Variants in NAV3 observed in about 807,000 individuals in gnomAD.
NAV3 encodes the protein pore membrane and/or filament interacting like protein 1.
A neutral mutation model predicts 244.7 loss-of-function variants in NAV3; 87 were observed. That is an observed-to-expected ratio of 0.36 (90% CI 0.30 to 0.42). The LOEUF (loss-of-function observed/expected upper bound fraction) is 0.42. Ranked by LOEUF, NAV3 falls within the 20% of genes least tolerant of loss-of-function variation. The pLI is 1.00. For missense variants in NAV3, 2,663 were observed against 2,893.3 expected (o/e 0.92, Z 1.83); for synonymous variants, 1,126 against 1,042.2 (o/e 1.08, Z -1.55).
At chr12:77,808,107 C>T (rs897566542) in intron 2 of NAV3, among the ~76,000 whole-genome samples, 3 of 152,150 alleles carry the variant, frequency 2.0e-5, no homozygotes, top group Non-Finnish European at 4.4e-5. Context: ...AGCTTCCTTG[C>T]ATTGGGCTAG....
At chr12:77,587,337 C>A (rs763827676) in intron 2 of NAV3, among the ~76,000 whole-genome samples, 6 of 152,036 alleles carry the variant, frequency 3.9e-5, no homozygotes, top group Non-Finnish European at 7.4e-5. Context: ...CCATAAAATA[C>A]TTACAAAAAT....
At chr12:78,113,430 C>T (rs1955205448) in intron 12 of NAV3, among the ~76,000 whole-genome samples, 1 of 152,242 alleles carries the variant, frequency 6.6e-6, no homozygotes, top group African/African-American at 2.4e-5. Context: ...TTCCTTACAT[C>T]CTCTGGAATC....
chr12:77,640,412 A>G (rs1482999123), intron 2 of NAV3, among the ~76,000 whole-genome samples: 1 of 152,114 alleles, frequency 6.6e-6, no homozygotes, highest in Admixed American at 6.6e-5. Context: ...CTTTTCACCT[A>G]CTTCTCTCCA....
chr12:77,699,026 T>A (rs1047385334), intron 2 of NAV3, among the ~76,000 whole-genome samples: 8 of 152,178 alleles, frequency 5.3e-5, no homozygotes, highest in African/African-American at 1.9e-4. Flanking sequence ...AGCAAACATA[T>A]ATACTCTAGA....
At chr12:77,596,599 G>T (rs1273613002) in intron 2 of NAV3, among the ~76,000 whole-genome samples, 1 of 152,170 alleles carries the variant, frequency 6.6e-6, no homozygotes, top group East Asian at 1.9e-4. Flanking sequence ...ATAAAGGTTA[G>T]CACAAATCCA....
chr12:77,736,954 G>A (rs1877361976), intron 2 of NAV3, among the ~76,000 whole-genome samples: 1 of 152,094 alleles, frequency 6.6e-6, no homozygotes, highest in Admixed American at 6.5e-5. Flanking sequence ...CCGTAATTGA[G>A]ATGAGAAATG....
chr12:78,027,562 C>T (rs1373766163), intron 9 of NAV3, among the ~76,000 whole-genome samples: 1 of 152,310 alleles, frequency 6.6e-6, no homozygotes, highest in East Asian at 1.9e-4. Context: ...TGTGTGGTGA[C>T]ATAATGCCAC....
At chr12:78,008,211 T>C (rs1326327456) in intron 8 of NAV3, among the ~76,000 whole-genome samples, 1 of 152,202 alleles carries the variant, frequency 6.6e-6, no homozygotes. Flanking sequence ...TGGGTTGTAT[T>C]ACTGATTTGT....
intron 2 of NAV3, among the ~76,000 whole-genome samples, chr12:77,592,064 C>T (rs914778362): frequency 6.6e-6 from 1 of 151,852 alleles, no homozygotes; most frequent in African/African-American, 2.4e-5. Flanking sequence ...GCTTCGTTCG[C>T]ACAGTGTCTG....
rs549601132 is a variant in NAV3 at position 77,694,473 on chromosome 12, A to AT, written c.72+122209dup. 8.3e-3 allele frequency among the ~76,000 whole-genome samples: 1,231 copies of AT among 148,496 alleles called. 5 individuals carry two copies. The highest frequency in any genetic ancestry group is 0.017 in the Middle Eastern group (5 of 292). ...GGGCTACAGAGCAAACTCCATCTCAATTAAAAAAAAAAAAAAAGGCAGTCT... is the reference window on the plus strand; with the variant it reads ...GGGCTACAGAGCAAACTCCATCTCAATTTAAAAAAAAAAAAAAAGGCAGTCT... On this transcript the variant is annotated intron_variant, in intron 2 of 8. Coordinates refer to the NAV3 transcript ENST00000550042.
intron 12 of NAV3, among the ~76,000 whole-genome samples, chr12:78,097,093 G>A (rs568465987): frequency 2.6e-5 from 4 of 152,274 alleles, no homozygotes; most frequent in East Asian, 1.9e-4. Context: ...GGGAAGTAAG[G>A]TAGTAGCCTG....
intron 2 of NAV3, among the ~76,000 whole-genome samples, chr12:77,581,966 T>C (rs1463204875): frequency 6.6e-6 from 1 of 152,226 alleles, no homozygotes; most frequent in Non-Finnish European, 1.5e-5. Flanking sequence ...AATATGTGAA[T>C]AGCAACATAC....
At chr12:78,183,400 C>A (rs139864113) in intron 30 of NAV3, among the ~76,000 whole-genome samples, 1 of 151,946 alleles carries the variant, frequency 6.6e-6, no homozygotes, top group African/African-American at 2.4e-5. Flanking sequence ...AAAGTATTAT[C>A]TTTTATGTTC....
In NAV3 at chr12:78,168,880, T is replaced by A. The variant is rs762877511; in HGVS notation, c.4981+14T>A. ...ATCCTCCCAAAGGTATATTTAGAAA[T>A]CATTTCATTTCCACCCAATATAATA... On this transcript the variant is annotated intron_variant, in intron 24 of 39. Transcript: ENST00000397909. The A allele has an allele frequency of 6.5e-7, 1 of 1,531,940 alleles. No homozygotes were observed. Among genetic ancestry groups the A allele is most frequent in the Admixed American group, 1.9e-5 (1 of 51,820 alleles). The allele number at this position is 1,531,940 out of a possible 1,614,324, so 94.9% of individuals were successfully genotyped here.
intron 1 of NAV3, among the ~76,000 whole-genome samples, chr12:77,869,037 A>C (rs776158522): frequency 3.5e-5 from 4 of 113,996 alleles, no homozygotes; most frequent in Non-Finnish European, 7.4e-5. Flanking sequence ...GAGGTAAAAA[A>C]CAAACAAACA....
intron 9 of NAV3, among the ~76,000 whole-genome samples, chr12:78,046,197 AT>A (rs568700156): frequency 5.1e-4 from 77 of 152,130 alleles, no homozygotes; most frequent in African/African-American, 1.8e-3. Flanking sequence ...GGATTTATTG[AT>A]TTTTTGAAGG....
intron 22 of NAV3, 22 bp downstream of exon 22, chr12:78,148,941 A>C: frequency 1.9e-6 from 3 of 1,570,480 alleles, no homozygotes; most frequent in Non-Finnish European, 2.6e-6. Flanking sequence ...CATTTTTAAA[A>C]TATATTACAA....
intron 23 of NAV3, among the ~76,000 whole-genome samples, chr12:78,164,574 A>G (rs1195911285): frequency 2.0e-5 from 3 of 152,138 alleles, no homozygotes; most frequent in African/African-American, 4.8e-5. Flanking sequence ...TGATGCATCC[A>G]TTAATCTTTG....
intron 7 of NAV3, among the ~76,000 whole-genome samples, chr12:78,001,252 A>C (rs1873247097): frequency 1.3e-5 from 2 of 152,162 alleles, no homozygotes; most frequent in South Asian, 2.1e-4. Context: ...TTATTATTCT[A>C]ATTGCTTTTC....
Sources: gnomAD v4.1 joint callset for allele counts (sites outside exome capture counted in the v4.1 genomes callset) on GRCh38, gnomAD v4.1.1 for gene constraint, MANE v1.5 for transcripts, NCBI Gene and HGNC (gene_info 2026-07-23, HGNC 2026-07-21) for gene names.